CPED1: variants seen among roughly 807,000 people sequenced by gnomAD.
CPED1 encodes the protein cadherin-like and PC-esterase domain-containing protein 1.
A neutral mutation model predicts 128.2 loss-of-function variants in CPED1; 114 were observed. The observed-to-expected ratio is 0.89, with a 90% CI of 0.76 to 1.04. The LOEUF (loss-of-function observed/expected upper bound fraction) is 1.04. Ranked by LOEUF, CPED1 falls within the 50% of genes least tolerant of loss-of-function variation. The pLI, the probability that CPED1 is intolerant of heterozygous loss-of-function variation, is 0.00. For missense variants in CPED1, 1,211 were observed against 1,207.1 expected, an observed-to-expected ratio of 1.00 and a Z score of -0.05; for synonymous variants, 462 against 426.7, an observed-to-expected ratio of 1.08 and a Z score of -1.02.
At chr7:121,067,975 T>G (rs1793887953) in intron 5 of CPED1, among the ~76,000 whole-genome samples, 1 of 152,238 alleles carries the variant, frequency 6.6e-6, no homozygotes, top group Non-Finnish European at 1.5e-5. Context: ...GTTTTTTTCT[T>G]GTAAATTTGT....
chr7:120,991,050 G>C (rs1187239035), intron 2 of CPED1, among the ~76,000 whole-genome samples: 1 of 152,194 alleles, frequency 6.6e-6, no homozygotes, highest in East Asian at 1.9e-4. Context: ...CAAGCTGCTT[G>C]GTTCCTACTG....
chr7:121,027,266 A>G (rs936647744), intron 3 of CPED1, among the ~76,000 whole-genome samples: 7 of 152,090 alleles, frequency 4.6e-5, no homozygotes, highest in African/African-American at 1.7e-4. Context: ...TGCCTAGGGT[A>G]TGATTTGTGT....
intron 2 of CPED1, among the ~76,000 whole-genome samples, chr7:121,004,084 A>T (rs530439124): frequency 6.6e-6 from 1 of 152,148 alleles, no homozygotes; most frequent in Admixed American, 6.5e-5. Context: ...TCATTCAACA[A>T]GAAGTGGAGC....
intron 17 of CPED1, among the ~76,000 whole-genome samples, chr7:121,237,934 T>C (rs1013173433): frequency 1.3e-5 from 2 of 152,188 alleles, no homozygotes; most frequent in African/African-American, 4.8e-5. Context: ...GGTGGTGTGA[T>C]TTGTGATTCT....
At chr7:121,230,510 A>T (rs1798111060) in intron 16 of CPED1, among the ~76,000 whole-genome samples, 1 of 152,108 alleles carries the variant, frequency 6.6e-6, no homozygotes, top group Admixed American at 6.6e-5. Flanking sequence ...GCAGATCAAG[A>T]ACATCAGCAC....
chr7:121,152,756 A>G (rs1796187950), intron 16 of CPED1, among the ~76,000 whole-genome samples: 1 of 152,236 alleles, frequency 6.6e-6, no homozygotes, highest in Admixed American at 6.5e-5. Context: ...GAAGTCTAGT[A>G]AAATGTATTG....
At chr7:121,080,102 AG>A (rs1174725719) in intron 5 of CPED1, among the ~76,000 whole-genome samples, 3 of 152,168 alleles carry the variant, frequency 2.0e-5, no homozygotes, top group African/African-American at 7.2e-5. Context: ...ATGAACTTCA[AG>A]CAATTGATAT....
At chr7:121,087,891 A>T (rs1357938764) in intron 5 of CPED1, among the ~76,000 whole-genome samples, 2 of 151,750 alleles carry the variant, frequency 1.3e-5, no homozygotes, top group African/African-American at 4.8e-5. Flanking sequence ...TGAACTCCTG[A>T]CCTCGTGATC....
intron 16 of CPED1, among the ~76,000 whole-genome samples, chr7:121,184,623 C>G (rs144791616): frequency 9.9e-4 from 151 of 152,146 alleles, no homozygotes; most frequent in Non-Finnish European, 1.8e-3. Context: ...TGACTATTTT[C>G]TGAGTTATAC....
intron 16 of CPED1, among the ~76,000 whole-genome samples, chr7:121,234,520 C>T (rs1179114832): frequency 2.0e-5 from 3 of 151,892 alleles, no homozygotes; most frequent in African/African-American, 7.3e-5. Context: ...GAGGAACAGC[C>T]AAGTCTCCAG....
intron 18 of CPED1, among the ~76,000 whole-genome samples, chr7:121,256,326 A>G (rs1380416830): frequency 2.0e-5 from 3 of 152,028 alleles, no homozygotes; most frequent in African/African-American, 7.2e-5. Context: ...AAAGCAAGCA[A>G]TGGTGAAAGG....
rs187834258 is a variant in CPED1 at position 121,090,084 on chromosome 7, C to T, written c.617-7615C>T. Among the ~76,000 whole-genome samples, 3 of 152,292 alleles carry T rather than the reference C, an allele frequency of 2.0e-5. No individual in the cohort carries two copies. The East Asian group carries it at 5.8e-4, about 29-fold the overall frequency. Reference sequence around the variant, plus strand: ...ATGTGGTCATGGTCAAAACATAGAGCAGTCCAAGGGGAAAATTATTTCTGT... The same window carrying T: ...ATGTGGTCATGGTCAAAACATAGAGTAGTCCAAGGGGAAAATTATTTCTGT... On this transcript the variant is annotated intron_variant, in intron 5 of 22. Transcript: ENST00000310396.
At chr7:121,138,351 G>A (rs1795827437) in intron 14 of CPED1, among the ~76,000 whole-genome samples, 1 of 152,052 alleles carries the variant, frequency 6.6e-6, no homozygotes. Context: ...TCTCAGGTAA[G>A]CTGGCCTGAG....
intron 22 of CPED1, among the ~76,000 whole-genome samples, chr7:121,289,426 C>T (rs1792646730): frequency 6.6e-6 from 1 of 152,076 alleles, no homozygotes; most frequent in African/African-American, 2.4e-5. Context: ...CCTATAATTC[C>T]TCTACCAAAA....
At chr7:121,243,092 G>A (rs759191196) in intron 17 of CPED1, among the ~76,000 whole-genome samples, 2 of 152,118 alleles carry the variant, frequency 1.3e-5, no homozygotes, top group East Asian at 1.9e-4. Context: ...AAGCCAGAAT[G>A]GACAAAGTTT....
intron 18 of CPED1, among the ~76,000 whole-genome samples, chr7:121,244,702 T>C (rs926567416): frequency 2.0e-5 from 3 of 152,224 alleles, no homozygotes; most frequent in African/African-American, 7.2e-5. Flanking sequence ...TGGCAGGCAC[T>C]GCTGTGAAAA....
intron 2 of CPED1, among the ~76,000 whole-genome samples, chr7:120,992,252 C>T (rs1440736991): frequency 6.6e-6 from 1 of 152,090 alleles, no homozygotes; most frequent in Non-Finnish European, 1.5e-5. Context: ...AGCATTGTTT[C>T]TATCTGTAAA....
chr7:121,142,396 G>A (rs1266973653), intron 16 of CPED1, among the ~76,000 whole-genome samples: 2 of 151,910 alleles, frequency 1.3e-5, no homozygotes, highest in African/African-American at 4.8e-5. Context: ...CAAAAAAAAT[G>A]TCTGAGGACT....
chr7:121,005,697 A>T (rs913651353), intron 2 of CPED1, among the ~76,000 whole-genome samples: 7 of 152,090 alleles, frequency 4.6e-5, no homozygotes, highest in Admixed American at 2.6e-4. Flanking sequence ...TTCCCCATTT[A>T]AAAAAAATTT....
Sources: gnomAD v4.1 joint callset for allele counts (sites outside exome capture counted in the v4.1 genomes callset) on GRCh38, gnomAD v4.1.1 for gene constraint, MANE v1.5 for transcripts, NCBI Gene and HGNC (gene_info 2026-07-23, HGNC 2026-07-21) for gene names.